MOB3B: variants seen among roughly 807,000 people sequenced by gnomAD.
MOB3B encodes the protein MOB kinase activator-like 2B.
A neutral mutation model predicts 18.7 loss-of-function variants in MOB3B; 7 were observed. That is an observed-to-expected ratio of 0.37 (90% CI 0.21 to 0.70). The LOEUF is 0.70. MOB3B is among the 30% of genes least tolerant of loss of function. The probability of loss-of-function intolerance (pLI) is 0.52; values close to 1 mark genes in which losing one functional copy is unlikely to be tolerated. For missense variants in MOB3B, 253 were observed against 281.3 expected, an observed-to-expected ratio of 0.90 and a Z score of 0.72; for synonymous variants, 111 against 99.9, an observed-to-expected ratio of 1.11 and a Z score of -0.66.
intron 1 of MOB3B, among the ~76,000 whole-genome samples, chr9:27,461,412 C>G (rs1473123134): frequency 6.6e-6 from 1 of 152,226 alleles, no homozygotes; most frequent in Non-Finnish European, 1.5e-5. Context: ...GCCTGAGAAG[C>G]AGCTTTGCTA....
At chr9:27,420,559 A>ATCTG (rs2131411626) in intron 2 of MOB3B, among the ~76,000 whole-genome samples, 1 of 69,034 alleles carries the variant, frequency 1.4e-5, no homozygotes, top group South Asian at 7.2e-4. Flanking sequence ...ATATATATAT[A>ATCTG]TATATATATA....
chr9:27,456,934 C>T (rs1391243643), intron 1 of MOB3B, among the ~76,000 whole-genome samples: 1 of 152,192 alleles, frequency 6.6e-6, no homozygotes, highest in Admixed American at 6.5e-5. Flanking sequence ...GTCTTCGATG[C>T]CCTCTTCTCC....
At chr9:27,436,995 TG>T (rs1346569080) in intron 2 of MOB3B, among the ~76,000 whole-genome samples, 1 of 20,440 alleles carries the variant, frequency 4.9e-5, no homozygotes, top group East Asian at 1.5e-3. Flanking sequence ...GAGCTGGGAG[TG>T]GGGGGAAGAC....
intron 3 of MOB3B, among the ~76,000 whole-genome samples, chr9:27,340,926 G>C (rs1820931526): frequency 6.6e-6 from 1 of 152,260 alleles, no homozygotes; most frequent in Non-Finnish European, 1.5e-5. Context: ...GTTTCTGGCA[G>C]ATGCTGCTGC....
At chr9:27,349,564 T>C (rs12005912) in intron 3 of MOB3B, among the ~76,000 whole-genome samples, 6,476 of 152,294 alleles carry the variant, frequency 0.043, 391 homozygotes, top group African/African-American at 0.13. Context: ...TACATTTTCA[T>C]GTAAATGCTC....
At chr9:27,478,883 G>T (rs1048317144) in intron 1 of MOB3B, among the ~76,000 whole-genome samples, 5 of 150,446 alleles carry the variant, frequency 3.3e-5, no homozygotes, top group Non-Finnish European at 3.0e-5. Flanking sequence ...TAGCACCAAA[G>T]AGAAAGTCAT....
rs1290116152 is a variant in MOB3B, at chr9:27,329,923, A to G, written c.*664T>C. 6 of 152,494 alleles carry G rather than the reference A, an allele frequency of 3.9e-5. No homozygotes were observed. The highest frequency in any genetic ancestry group is 3.4e-3 in the Middle Eastern group (1 of 296). The allele number at this position is 152,494 out of a possible 1,614,324, so 9.4% of individuals were successfully genotyped here. A position where few individuals can be genotyped will look rare whatever the true frequency, so the allele number is the denominator to read the frequency against. On this transcript the variant is annotated 3_prime_UTR_variant, in exon 4 of 4. Coordinates refer to ENST00000262244, the MANE Select transcript of MOB3B (RefSeq NM_024761.5). The stretch of plus-strand genomic sequence containing the variant: ...AACGTGAAGACCCTGTTTGGGGCAG[A>G]GACAAGCCACCCCATGGAGTGTCCC...
chr9:27,446,548 T>G (rs554431141), intron 2 of MOB3B, among the ~76,000 whole-genome samples: 16 of 152,298 alleles, frequency 1.1e-4, no homozygotes, highest in Admixed American at 3.9e-4. Context: ...ACATGGATGA[T>G]CAACTCCACA....
intron 2 of MOB3B, among the ~76,000 whole-genome samples, chr9:27,411,024 G>A (rs1429139501): frequency 6.6e-6 from 1 of 152,204 alleles, no homozygotes; most frequent in Non-Finnish European, 1.5e-5. Context: ...TGGAAGTCTA[G>A]CAGAAACTTG....
At chr9:27,406,422 T>G (rs1031426258) in intron 2 of MOB3B, among the ~76,000 whole-genome samples, 1 of 152,220 alleles carries the variant, frequency 6.6e-6, no homozygotes, top group Non-Finnish European at 1.5e-5. Flanking sequence ...AAACCTGGAA[T>G]AGCCGAAGCA....
intron 2 of MOB3B, among the ~76,000 whole-genome samples, chr9:27,427,783 A>G (rs1420874533): frequency 6.6e-6 from 1 of 152,206 alleles, no homozygotes; most frequent in East Asian, 1.9e-4. Flanking sequence ...ATTTCCCATC[A>G]TGCCCTTCAG....
chr9:27,349,651 A>T (rs1412909839), intron 3 of MOB3B, among the ~76,000 whole-genome samples: 2 of 152,228 alleles, frequency 1.3e-5, no homozygotes, highest in Non-Finnish European at 2.9e-5. Context: ...TAAAAAAATA[A>T]AAAAGTACAA....
chr9:27,454,477 C>T (rs1465377411), intron 2 of MOB3B, among the ~76,000 whole-genome samples: 1 of 152,194 alleles, frequency 6.6e-6, no homozygotes, highest in Non-Finnish European at 1.5e-5. Flanking sequence ...TGACCAGCAT[C>T]ATGAAGAAAT....
chr9:27,500,510 T>C (rs952026301), intron 1 of MOB3B, among the ~76,000 whole-genome samples: 3 of 152,182 alleles, frequency 2.0e-5, no homozygotes, highest in Non-Finnish European at 4.4e-5. Context: ...GGATTACCTA[T>C]TTAATAAATG....
chr9:27,483,478 C>T (rs554860583), intron 1 of MOB3B, among the ~76,000 whole-genome samples: 24 of 152,254 alleles, frequency 1.6e-4, no homozygotes, highest in African/African-American at 5.5e-4. Flanking sequence ...ATTTCAATAA[C>T]ATTTTGTTTC....
chr9:27,473,309 A>G (rs1386473618), intron 1 of MOB3B, among the ~76,000 whole-genome samples: 3 of 152,092 alleles, frequency 2.0e-5, no homozygotes, highest in African/African-American at 7.2e-5. Flanking sequence ...CAATCTGCCC[A>G]GTGTCTGAGG....
intron 2 of MOB3B, among the ~76,000 whole-genome samples, chr9:27,391,215 G>A (rs765101591): frequency 6.6e-6 from 1 of 152,220 alleles, no homozygotes; most frequent in African/African-American, 2.4e-5. Flanking sequence ...ACAGGATGGT[G>A]TTTGGCTGAG....
At chr9:27,443,704 C>T (rs921951589) in intron 2 of MOB3B, among the ~76,000 whole-genome samples, 1 of 152,188 alleles carries the variant, frequency 6.6e-6, no homozygotes, top group Non-Finnish European at 1.5e-5. Flanking sequence ...CCTTGAGTTG[C>T]CCCAAGGGCT....
intron 2 of MOB3B, among the ~76,000 whole-genome samples, chr9:27,361,322 A>T (rs1821271798): frequency 6.6e-6 from 1 of 152,116 alleles, no homozygotes; most frequent in African/African-American, 2.4e-5. Flanking sequence ...CTCTCTTCCC[A>T]GGTTAGAGGA....
Sources: allele counts gnomAD v4.1 joint callset (sites outside exome capture counted in the v4.1 genomes callset), GRCh38; gene constraint gnomAD v4.1.1; transcripts MANE v1.5; gene names NCBI Gene and HGNC (gene_info 2026-07-23, HGNC 2026-07-21).